The following MYO5B variants were observed in gnomAD, a reference collection of about 807,000 sequenced individuals.
MYO5B encodes the protein unconventional myosin-Vb.
MYO5B carries 143 observed loss-of-function variants against 229.3 expected under a neutral mutation model. The observed-to-expected ratio is 0.62, with a 90% CI of 0.54 to 0.72. The LOEUF (loss-of-function observed/expected upper bound fraction) is 0.72. MYO5B is among the 30% of genes least tolerant of loss of function. The probability of loss-of-function intolerance (pLI) is 0.00; values close to 1 mark genes in which losing one functional copy is unlikely to be tolerated. For synonymous variants in MYO5B, 918 were observed against 885.2 expected (o/e 1.04, Z -0.66); for missense variants, 2,321 against 2,331.0 (o/e 1.00, Z 0.09).
chr18:50,027,162 CA>C (rs2026339971), intron 4 of MYO5B, among the ~76,000 whole-genome samples: 1 of 152,204 alleles, frequency 6.6e-6, no homozygotes, highest in African/African-American at 2.4e-5. Flanking sequence ...CTAGGCTTCA[CA>C]TTCTATTAGC....
chr18:50,055,420 C>T (rs1228538578), intron 1 of MYO5B, 42 bp from the exon 2 acceptor site: 1 of 1,534,234 alleles, frequency 6.5e-7, no homozygotes, highest in Non-Finnish European at 9.0e-7. Flanking sequence ...CAGAACAAAG[C>T]TCTCAGATTT....
chr18:49,962,252 A>T lies in MYO5B; in HGVS notation c.1545+14T>A. 1 of 1,614,116 alleles carries T rather than the reference A, an allele frequency of 6.2e-7. No individual in the cohort carries two copies. Among genetic ancestry groups the T allele is most frequent in the Non-Finnish European group, 8.5e-7 (1 of 1,179,964 alleles). On this transcript the variant is annotated intron_variant, in intron 12 of 39. Transcript: ENST00000285039. Reference sequence around the variant, plus strand: ...CTACCCTAGAATTGAACTAATTTGCATCATCAGTTTTACCTTACATTCTTC... The same window carrying T: ...CTACCCTAGAATTGAACTAATTTGCTTCATCAGTTTTACCTTACATTCTTC...
rs75867741 is a variant in MYO5B at position 50,143,335 on chromosome 18, G to C, written c.27+51432C>G. The stretch of plus-strand genomic sequence containing the variant: ...AGGGCAGCTGTGTAGAATAAAATAG[G>C]CTTCTTTTAACTCCAAAGGCAGAAA... On this transcript the variant is annotated intron_variant, in intron 1 of 39. Coordinates refer to ENST00000285039, the MANE Select transcript of MYO5B (RefSeq NM_001080467.3). 4.2e-3 allele frequency among the ~76,000 whole-genome samples: 644 copies of C among 152,300 alleles called. 6 individuals carry two copies. Among genetic ancestry groups the C allele is most frequent in the African/African-American group, 0.015 (614 of 41,558 alleles).
intron 18 of MYO5B, among the ~76,000 whole-genome samples, chr18:49,909,448 C>T (rs992996003): frequency 6.6e-6 from 1 of 152,210 alleles, no homozygotes; most frequent in Non-Finnish European, 1.5e-5. Flanking sequence ...TCAGTTTCCT[C>T]ATCTGTAAAA....
chr18:49,860,647 G>A lies in MYO5B; in HGVS notation c.3944+2580C>T, dbSNP rs16951159. On this transcript the variant is annotated intron_variant, in intron 29 of 39. Coordinates refer to ENST00000285039, the MANE Select transcript of MYO5B (RefSeq NM_001080467.3). Reference sequence around the variant, plus strand: ...CAAGTGATAAAAGTTCTGAACTTGAGGATCATGAATGCTTAAAGAGGCTAT... The same window carrying A: ...CAAGTGATAAAAGTTCTGAACTTGAAGATCATGAATGCTTAAAGAGGCTAT... 6.3e-3 allele frequency among the ~76,000 whole-genome samples: 965 copies of A among 152,282 alleles called. 11 individuals carry two copies. The highest frequency in any genetic ancestry group is 0.022 in the African/African-American group (898 of 41,550).
chr18:50,015,713 T>A (rs967946203), intron 4 of MYO5B, among the ~76,000 whole-genome samples: 1 of 152,182 alleles, frequency 6.6e-6, no homozygotes, highest in Non-Finnish European at 1.5e-5. Context: ...CCAATACAGC[T>A]TCCAAGGCCC....
At position 49,954,383 on chromosome 18, in the gene MYO5B, G is replaced by A. The variant is rs758904563; in HGVS notation, c.1598C>T (p.Ser533Phe). ...GGGCTTCTGGAAGTGCTGGCTGCTGGAGTGCCGGTCATAGAGCTTCTGAGC... is the reference window on the plus strand; with the variant it reads ...GGGCTTCTGGAAGTGCTGGCTGCTGAAGTGCCGGTCATAGAGCTTCTGAGC... ...NWAQKLYDRH[S>F]SSQHFQKPRM... Residue 533 changes from serine to phenylalanine, a missense_variant, in exon 13 of 40, where the codon TCC becomes TTC. Ser to Phe is a radical substitution (Grantham distance 155). Transcript: ENST00000285039. The A allele has an allele frequency of 3.7e-6, 6 of 1,614,044 alleles. No homozygotes were observed. In the South Asian group the frequency reaches 6.6e-5, roughly 18 times the overall value.
chr18:50,163,653 C>CA (rs2032802733), intron 1 of MYO5B, among the ~76,000 whole-genome samples: 1 of 152,190 alleles, frequency 6.6e-6, no homozygotes, highest in Admixed American at 6.5e-5. Flanking sequence ...ACTTCCCTAA[C>CA]AAAGGTAGTC....
intron 39 of MYO5B, among the ~76,000 whole-genome samples, chr18:49,833,962 AT>A (rs2023955727): frequency 6.6e-6 from 1 of 152,176 alleles, no homozygotes; most frequent in Non-Finnish European, 1.5e-5. Context: ...TGTTTCTGTC[AT>A]TGCCCTTAGG....
At chr18:49,960,348 A>G (rs1401216156) in intron 12 of MYO5B, among the ~76,000 whole-genome samples, 1 of 152,170 alleles carries the variant, frequency 6.6e-6, no homozygotes, top group African/African-American at 2.4e-5. Flanking sequence ...GGCTGCTTCC[A>G]CAGCCCAACA....
At chr18:50,115,563 C>G (rs1385457399) in intron 1 of MYO5B, among the ~76,000 whole-genome samples, 1 of 151,712 alleles carries the variant, frequency 6.6e-6, no homozygotes, top group East Asian at 1.9e-4. Context: ...CACACACACA[C>G]ACACACACAC....
intron 10 of MYO5B, among the ~76,000 whole-genome samples, chr18:49,967,673 C>T (rs752373917): frequency 3.3e-5 from 5 of 152,196 alleles, no homozygotes; most frequent in Non-Finnish European, 5.9e-5. Flanking sequence ...ATGATCCAGA[C>T]ATCCTTTCAA....
chr18:50,157,430 C>T (rs186927803), intron 1 of MYO5B, among the ~76,000 whole-genome samples: 2 of 152,254 alleles, frequency 1.3e-5, no homozygotes, highest in South Asian at 2.1e-4. Context: ...TGATCTGACC[C>T]GGGTCTCTTT....
intron 7 of MYO5B, among the ~76,000 whole-genome samples, chr18:49,988,265 G>C (rs1292139486): frequency 6.6e-6 from 1 of 152,174 alleles, no homozygotes; most frequent in Non-Finnish European, 1.5e-5. Flanking sequence ...AGGGTTATTA[G>C]TGGACCTAAA....
chr18:49,881,718 C>T (rs559351778), intron 22 of MYO5B, among the ~76,000 whole-genome samples: 17 of 108 alleles, frequency 0.16, no homozygotes, highest in South Asian at 0.5. Context: ...AGGAGAATGG[C>T]GTGAACTCCA....
At chr18:49,964,663 G>C (rs923343150) in intron 10 of MYO5B, among the ~76,000 whole-genome samples, 1 of 152,162 alleles carries the variant, frequency 6.6e-6, no homozygotes, top group Non-Finnish European at 1.5e-5. Context: ...CATTACTACA[G>C]CTCAACATTT....
chr18:49,889,372 C>T (rs1368638088), intron 22 of MYO5B, among the ~76,000 whole-genome samples: 1 of 152,202 alleles, frequency 6.6e-6, no homozygotes, highest in African/African-American at 2.4e-5. Flanking sequence ...TAAAATCAAA[C>T]TGAAAACAAC....
chr18:49,933,099 G>T (rs2025211880), intron 16 of MYO5B, among the ~76,000 whole-genome samples: 1 of 152,128 alleles, frequency 6.6e-6, no homozygotes, highest in Admixed American at 6.5e-5. Context: ...CTCCACAATT[G>T]CCCGCCATGG....
rs747128312 is a variant in MYO5B, at chr18:49,826,520, G to C, written c.5498C>G (p.Ser1833Ter). ...ATTGAGACACGCTGGGATGTGGATTGAGTCCATGGTTAGAGAAGATGGATT... is the reference window on the plus strand; with the variant it reads ...ATTGAGACACGCTGGGATGTGGATTCAGTCCATGGTTAGAGAAGATGGATT... Reference protein sequence around the residue: ...PFNPSSLTMDSIHIPACLNLE... With the variant: ...PFNPSSLTMD The change falls in exon 40 of 40, where the codon TCA (serine) becomes TGA (stop). Residue 1833 changes from serine to a stop codon, truncating the protein, a stop_gained. Coordinates refer to ENST00000285039, the MANE Select transcript of MYO5B (RefSeq NM_001080467.3). LOFTEE classifies it high-confidence loss of function. The C allele has an allele frequency of 6.2e-7, 1 of 1,614,102 alleles. No individual in the cohort carries two copies. Among genetic ancestry groups the C allele is most frequent in the South Asian group, 1.1e-5 (1 of 91,084 alleles).
Sources: gnomAD v4.1 joint callset for allele counts (sites outside exome capture counted in the v4.1 genomes callset) on GRCh38, gnomAD v4.1.1 for gene constraint, MANE v1.5 for transcripts, NCBI Gene and HGNC (gene_info 2026-07-23, HGNC 2026-07-21) for gene names.